GATA4: variants seen among roughly 807,000 people sequenced by gnomAD.
GATA4 encodes the protein transcription factor GATA-4.
GATA4 carries 7 observed loss-of-function variants against 37.9 expected under a neutral mutation model. The observed-to-expected ratio is 0.18, with a 90% confidence interval of 0.11 to 0.35. GATA4 has a LOEUF of 0.35. GATA4 is among the 10% of genes least tolerant of loss of function. GATA4 has a pLI of 1.00. For synonymous variants in GATA4, 372 were observed against 292.6 expected (o/e 1.27, Z -2.77); for missense variants, 647 against 653.0 (o/e 0.99, Z 0.10).
At chr8:11,718,570 G>C (rs1800533428) in intron 2 of GATA4, among the ~76,000 whole-genome samples, 1 of 152,166 alleles carries the variant, frequency 6.6e-6, no homozygotes, top group Non-Finnish European at 1.5e-5. Flanking sequence ...ACCACAATTT[G>C]GTGGGAATTT....
chr8:11,748,306 C>A (rs536724704), intron 2 of GATA4, among the ~76,000 whole-genome samples: 187 of 152,264 alleles, frequency 1.2e-3, no homozygotes, highest in African/African-American at 3.9e-3. Context: ...GCTGGAGTAT[C>A]GCTTGAGCCC....
intron 2 of GATA4, among the ~76,000 whole-genome samples, chr8:11,744,563 A>G (rs1801938848): frequency 6.6e-6 from 1 of 152,222 alleles, no homozygotes; most frequent in South Asian, 2.1e-4. Context: ...GGTTCATACC[A>G]GATGTCAGTG....
chr8:11,701,252 A>G (rs1315493448), upstream of GATA4, among the ~76,000 whole-genome samples: 1 of 151,770 alleles, frequency 6.6e-6, no homozygotes, highest in African/African-American at 2.4e-5. Context: ...TAGAAAAAAA[A>G]AAAAAAAAAA....
At position 11,755,538 on chromosome 8, in the gene GATA4, C is replaced by T. The variant is rs545675162; in HGVS notation, c.1000+405C>T. Among the ~76,000 whole-genome samples the T allele has an allele frequency of 9.9e-5, 15 of 152,280 alleles. No homozygotes were observed. The East Asian group carries it at 2.9e-3, about 29-fold the overall frequency. ...GAGGGCAGGGTCCAATTAATCATGTCCCTAACAGATTGATCTCTAAGCCAA... is the reference window on the plus strand; with the variant it reads ...GAGGGCAGGGTCCAATTAATCATGTTCCTAACAGATTGATCTCTAAGCCAA... On this transcript the variant is annotated intron_variant, in intron 5 of 6. Transcript: ENST00000532059.
rs1800100318 is a variant in GATA4 at position 11,709,968 on chromosome 8, C to T, written c.616+1040C>T. 6.6e-6 allele frequency among the ~76,000 whole-genome samples: 1 copy of T among 152,158 alleles called. No individual in the cohort carries two copies. Among genetic ancestry groups the T allele is most frequent in the African/African-American group, 2.4e-5 (1 of 41,438 alleles). On this transcript the variant is annotated intron_variant, in intron 2 of 6. Transcript: ENST00000532059. The surrounding 1 kb of genome is among the most constrained non-coding windows in gnomAD (Gnocchi z 4.3). ...GCCCACCCTGTGGGGGAGGGGAAGC[C>T]CAGGCTTGAGAAGCAAAGCTCGCGT... is the stretch of plus-strand genomic sequence containing the variant.
At chr8:11,730,217 G>A (rs886655642) in intron 2 of GATA4, among the ~76,000 whole-genome samples, 3 of 152,194 alleles carry the variant, frequency 2.0e-5, no homozygotes, top group African/African-American at 7.2e-5. Context: ...CCTGGCCTCA[G>A]TGAGTGGTTT....
chr8:11,740,633 G>C (rs1432368014), intron 2 of GATA4, among the ~76,000 whole-genome samples: 2 of 152,214 alleles, frequency 1.3e-5, no homozygotes, highest in African/African-American at 4.8e-5. Context: ...TGTAAAAAAT[G>C]TATTGGTATA....
At chr8:11,735,239 A>G (rs1801398854) in intron 2 of GATA4, among the ~76,000 whole-genome samples, 2 of 152,234 alleles carry the variant, frequency 1.3e-5, no homozygotes, top group South Asian at 4.1e-4. Flanking sequence ...TTTTAAAGAA[A>G]GCATTCATGT....
chr8:11,683,250 G>C, intron 1 of GATA4: 1 of 542,532 alleles, frequency 1.8e-6, no homozygotes, highest in South Asian at 8.0e-5. Flanking sequence ...CGGGGCTGGC[G>C]TGCTCCACCT....
At chr8:11,688,065 C>T (rs1799196894), upstream of GATA4, among the ~76,000 whole-genome samples, 1 of 152,108 alleles carries the variant, frequency 6.6e-6, no homozygotes, top group Non-Finnish European at 1.5e-5. Flanking sequence ...ATGCTGACAC[C>T]AGTTTATAGA....
chr8:11,743,606 C>A (rs1801870774), intron 2 of GATA4, among the ~76,000 whole-genome samples: 1 of 152,250 alleles, frequency 6.6e-6, no homozygotes, highest in African/African-American at 2.4e-5. Context: ...CCCTTTCTTC[C>A]TCCCGTGCCT....
chr8:11,746,339 C>T (rs202004465), intron 2 of GATA4, among the ~76,000 whole-genome samples: 1 of 152,082 alleles, frequency 6.6e-6, no homozygotes, highest in Admixed American at 6.5e-5. Context: ...CACTACACTC[C>T]GGCTTGGGTG....
Position 11,729,634 on chromosome 8 carries a change from C to A in GATA4, c.617-19282C>A, listed in dbSNP as rs921903629. On this transcript the variant is annotated intron_variant, in intron 2 of 6. Coordinates refer to ENST00000532059, the MANE Select transcript of GATA4 (RefSeq NM_001308093.3). ...ACTGTGTAGTTCAGTAGTGTGTGTT[C>A]TGAGAAAGCCCTCACAGCGTTGGTC... Among the ~76,000 whole-genome samples the A allele has an allele frequency of 1.3e-5, 2 of 151,706 alleles. 1 individual carries two copies. The highest frequency in any genetic ancestry group is 4.2e-4 in the South Asian group (2 of 4,816).
Position 11,758,580 on chromosome 8 carries a change from G to A in GATA4, c.*105G>A. 9.1e-7 allele frequency: 1 copy of A among 1,095,444 alleles called. No homozygotes were observed. The highest frequency in any genetic ancestry group is 1.3e-5 in the South Asian group (1 of 79,338). 67.9% of individuals were successfully genotyped at this position (1,095,444 alleles called of 1,614,324 possible). A position where few individuals can be genotyped will look rare whatever the true frequency, so the allele number is the denominator to read the frequency against. Reference sequence around the variant, plus strand: ...GGGCCGGCCTCCTCTGCCTGGTAATGACTCCAGAACAACAACTGGGAAGAA... The same window carrying A: ...GGGCCGGCCTCCTCTGCCTGGTAATAACTCCAGAACAACAACTGGGAAGAA... On this transcript the variant is annotated 3_prime_UTR_variant, in exon 7 of 7. Transcript: ENST00000532059.
chr8:11,713,299 C>A (rs1800282042), intron 2 of GATA4, among the ~76,000 whole-genome samples: 1 of 152,132 alleles, frequency 6.6e-6, no homozygotes, highest in South Asian at 2.1e-4. Flanking sequence ...ATTAATTAGG[C>A]TGCATGAATG....
upstream of GATA4, among the ~76,000 whole-genome samples, chr8:11,690,204 G>C (rs1211850968): frequency 1.3e-5 from 2 of 152,236 alleles, no homozygotes; most frequent in Non-Finnish European, 2.9e-5. Context: ...ATGAGCCTCT[G>C]TGTTTGCACA....
upstream of GATA4, among the ~76,000 whole-genome samples, chr8:11,703,079 G>A (rs1318974055): frequency 6.6e-6 from 1 of 152,082 alleles, no homozygotes; most frequent in African/African-American, 2.4e-5. Context: ...GCCTGCTTTC[G>A]GAGCAGCACG....
At chr8:11,734,145 T>C (rs1801338574) in intron 2 of GATA4, among the ~76,000 whole-genome samples, 1 of 152,238 alleles carries the variant, frequency 6.6e-6, no homozygotes, top group Non-Finnish European at 1.5e-5. Context: ...CATTTGAACA[T>C]GGCTAAAATA....
intron 1 of GATA4, among the ~76,000 whole-genome samples, chr8:11,706,871 G>C (rs1307874461): frequency 6.6e-6 from 1 of 152,186 alleles, no homozygotes; most frequent in Non-Finnish European, 1.5e-5. Context: ...TAGAGTTGTA[G>C]AGAAAAGGAC....
Sources: gnomAD v4.1 joint callset for allele counts (sites outside exome capture counted in the v4.1 genomes callset) on GRCh38, gnomAD v4.1.1 for gene constraint, Gnocchi (gnomAD v3.1) non-coding constraint, MANE v1.5 for transcripts, NCBI Gene and HGNC (gene_info 2026-07-23, HGNC 2026-07-21) for gene names.